SLX4: variants seen among roughly 807,000 people sequenced by gnomAD.
SLX4 encodes the protein SLX4 structure-specific endonuclease subunit.
SLX4 carries 112 observed loss-of-function variants against 146.2 expected under a neutral mutation model. The ratio of observed to expected loss-of-function variants is 0.77; its 90% CI spans 0.66 to 0.90. The LOEUF (loss-of-function observed/expected upper bound fraction) is 0.90, where lower values mean the gene tolerates loss of function less well. SLX4 is among the 40% of genes least tolerant of loss of function. The pLI, the probability that SLX4 is intolerant of heterozygous loss-of-function variation, is 0.00. For synonymous variants in SLX4, 1,061 were observed against 997.7 expected (o/e 1.06, Z -1.20); for missense variants, 2,563 against 2,392.7 (o/e 1.07, Z -1.49).
chr16:3,606,400 T>C lies in SLX4; in HGVS notation c.760+74A>G. The stretch of plus-strand genomic sequence containing the variant: ...ACAGAAGAAACTCAACAAATGCTGA[T>C]TCCTTCCCGCCTCCCTTCCTCAGAG... On this transcript the variant is annotated intron_variant, in intron 3 of 14. Transcript: ENST00000294008. The C allele has an allele frequency of 5.9e-6, 9 of 1,532,024 alleles. No individual in the cohort carries two copies. The South Asian group carries it at 7.9e-5, about 13-fold the overall frequency. The allele number at this position is 1,532,024 out of a possible 1,614,324, so 94.9% of individuals were successfully genotyped here.
chr16:3,585,789 C>G (rs1174267332), intron 12 of SLX4, among the ~76,000 whole-genome samples: 1 of 148,174 alleles, frequency 6.7e-6, no homozygotes, highest in Admixed American at 6.7e-5. Context: ...AATGGCAGAA[C>G]CCTATCTCTA....
Position 3,590,733 on chromosome 16 carries a change from T to C in SLX4, c.2905A>G (p.Arg969Gly). The C allele has an allele frequency of 1.2e-6, 2 of 1,614,130 alleles. No individual in the cohort carries two copies. Among genetic ancestry groups the C allele is most frequent in the Middle Eastern group, 1.6e-4 (1 of 6,062 alleles). The change falls in exon 12 of 15, where the codon AGA becomes GGA. Residue 969 changes from arginine (R) to glycine (G), a missense_variant. Physicochemically the swap from Arg to Gly is moderately radical, Grantham distance 125 (BLOSUM62 -2). Transcript: ENST00000294008. The surrounding 1 kb of genome is among the most constrained non-coding windows in gnomAD (Gnocchi z 4.8). ...SSPSRDCQAE[R>G]KEGSLPHSDD... ...GAGTGCGGAAGAGAGCCTTCTTTTCTCTCTGCCTGGCAGTCCCTGGAAGGG... is the reference window on the plus strand; with the variant it reads ...GAGTGCGGAAGAGAGCCTTCTTTTCCCTCTGCCTGGCAGTCCCTGGAAGGG...
rs1053149619 is a variant in SLX4 at position 3,583,637 on chromosome 16, C to G, written c.4740-127G>C. The stretch of plus-strand genomic sequence containing the variant: ...TGGCTTGTGTGACAAACCATAGATG[C>G]CTGACTTCTGTGAGCATCAGAGGTT... On this transcript the variant is annotated intron_variant, in intron 13 of 14. Coordinates refer to ENST00000294008, the MANE Select transcript of SLX4 (RefSeq NM_032444.4). 10 of 1,007,326 alleles carry G rather than the reference C, an allele frequency of 9.9e-6. No individual in the cohort carries two copies. The African/African-American group carries it at 1.6e-4, about 16-fold the overall frequency. The allele number at this position is 1,007,326 out of a possible 1,614,324, so 62.4% of individuals were successfully genotyped here. A position where few individuals can be genotyped will look rare whatever the true frequency, so the allele number is the denominator to read the frequency against.
intron 3 of SLX4, among the ~76,000 whole-genome samples, chr16:3,606,030 T>C (rs2040778605): frequency 6.9e-6 from 1 of 145,980 alleles, no homozygotes; most frequent in South Asian, 2.2e-4. Flanking sequence ...GGAGCTGAGG[T>C]AGGCAGATCA....
At chr16:3,587,517 G>T (rs1274955067) in intron 12 of SLX4, among the ~76,000 whole-genome samples, 1 of 152,154 alleles carries the variant, frequency 6.6e-6, no homozygotes, top group Non-Finnish European at 1.5e-5. Flanking sequence ...TGCCTTTTAT[G>T]ACCATGGAGC....
Position 3,589,819 on chromosome 16 carries a change from G to A in SLX4, c.3819C>T (p.Thr1273=). 1 of 1,613,420 alleles carries A rather than the reference G, an allele frequency of 6.2e-7. No individual in the cohort carries two copies. The highest frequency in any genetic ancestry group is 8.5e-7 in the Non-Finnish European group (1 of 1,180,032). The change falls in exon 12 of 15, where the codon ACC becomes ACT. Residue 1273 remains threonine (T), a synonymous_variant. Coordinates refer to ENST00000294008, the MANE Select transcript of SLX4 (RefSeq NM_032444.4). The surrounding 1 kb of genome is among the most constrained non-coding windows in gnomAD (Gnocchi z 6.2). ...ASRSRDCSSQ[T]QISSLRSGLA... is the part of the protein sequence containing the mutation. ...GCCCGCTCCTGAGGCTGCTGATTTG[G>A]GTCTGGGAAGAACAGTCACGGCTTC...
At chr16:3,588,432 A>C (rs114122704) in intron 12 of SLX4, among the ~76,000 whole-genome samples, 1 of 152,276 alleles carries the variant, frequency 6.6e-6, no homozygotes, top group African/African-American at 2.4e-5. Flanking sequence ...GCTGAACACT[A>C]TTCCATTTTC....
rs530681898 is a variant in SLX4, at chr16:3,581,849, C to G, written c.*493G>C. 4.4e-5 allele frequency: 8 copies of G among 183,438 alleles called. No homozygotes were observed. The highest frequency in any genetic ancestry group is 1.6e-4 in the Admixed American group (3 of 18,476). The allele number at this position is 183,438 out of a possible 1,614,324, so 11.4% of individuals were successfully genotyped here. ...CCTGAGCTCTGGAGTTTGTGACCAG[C>G]CTGAGCAACATGGTGAAACCCCGTT... On this transcript the variant is annotated 3_prime_UTR_variant, in exon 15 of 15. Transcript: ENST00000294008.
chr16:3,604,738 T>G (rs2040764397), intron 3 of SLX4, among the ~76,000 whole-genome samples: 3 of 150,368 alleles, frequency 2.0e-5, no homozygotes, highest in Non-Finnish European at 2.9e-5. Flanking sequence ...GAGAATGGCT[T>G]GAACCCAGGA....
chr16:3,599,689 T>G (rs1286002143), intron 5 of SLX4, among the ~76,000 whole-genome samples: 1 of 152,164 alleles, frequency 6.6e-6, no homozygotes, highest in African/African-American at 2.4e-5. Context: ...CAGGCTCAAG[T>G]GATCCTTCCG....
intron 12 of SLX4, among the ~76,000 whole-genome samples, chr16:3,588,116 G>T (rs1205409825): frequency 6.6e-6 from 1 of 152,186 alleles, no homozygotes; most frequent in Non-Finnish European, 1.5e-5. Context: ...AAATCGTAAA[G>T]GGAATAATTC....
chr16:3,600,663 C>CGATCTTG (rs1263002189), intron 5 of SLX4: 1 of 305,038 alleles, frequency 3.3e-6, no homozygotes, highest in African/African-American at 2.8e-5. Context: ...TGCAGTGGTA[C>CGATCTTG]GATCTTGGCT....
rs1049772422 is a variant in SLX4 at position 3,596,480 on chromosome 16, C to T, written c.1684-87G>A. ...AAGCCATCACATGTGGTATGCACGG[C>T]TGGACCTAAAACTACAGAGCAGGAT... On this transcript the variant is annotated intron_variant, in intron 7 of 14. Coordinates refer to ENST00000294008, the MANE Select transcript of SLX4 (RefSeq NM_032444.4). 15 of 1,445,774 alleles carry T rather than the reference C, an allele frequency of 1.0e-5. No homozygotes were observed. In the African/African-American group the frequency reaches 1.8e-4, roughly 18 times the overall value. 89.6% of individuals were successfully genotyped at this position (1,445,774 alleles called of 1,614,324 possible).
rs1290971472 is a variant in SLX4, at chr16:3,582,071, G to A, written c.*271C>T. The A allele has an allele frequency of 1.8e-6, 1 of 548,398 alleles. No homozygotes were observed. The highest frequency in any genetic ancestry group is 3.2e-6 in the Non-Finnish European group (1 of 308,180). The allele number at this position is 548,398 out of a possible 1,614,324, so 34.0% of individuals were successfully genotyped here. ...GAAAAAAAAAAAGAAAACCAAAAAG[G>A]GAGACACACTGTGAGCACGGACAGA... On this transcript the variant is annotated 3_prime_UTR_variant, in exon 15 of 15. Transcript: ENST00000294008.
chr16:3,606,745 A>G (rs1420629284), intron 2 of SLX4, 47 bp from the exon 3 acceptor site: 1 of 1,602,814 alleles, frequency 6.2e-7, no homozygotes, highest in Non-Finnish European at 8.5e-7. Flanking sequence ...AGCTGGAGAA[A>G]TAAAAGACTT....
intron 3 of SLX4, among the ~76,000 whole-genome samples, chr16:3,603,171 A>G (rs2040746653): frequency 6.6e-6 from 1 of 152,160 alleles, no homozygotes; most frequent in Non-Finnish European, 1.5e-5. Context: ...CTCCTGCCTC[A>G]GCCTCCTGAG....
intron 3 of SLX4, among the ~76,000 whole-genome samples, chr16:3,603,408 A>G (rs1466768733): frequency 6.6e-6 from 1 of 152,210 alleles, no homozygotes; most frequent in East Asian, 1.9e-4. Flanking sequence ...TGTGATGTGA[A>G]GATACAGAGA....
intron 9 of SLX4, among the ~76,000 whole-genome samples, chr16:3,595,288 GA>G (rs1356777888): frequency 6.6e-6 from 1 of 152,226 alleles, no homozygotes; most frequent in Non-Finnish European, 1.5e-5. Flanking sequence ...ACCGCGCTGA[GA>G]AACTGTGGTC....
At chr16:3,607,113 GATC>G (rs2040794874) in intron 2 of SLX4, among the ~76,000 whole-genome samples, 1 of 152,186 alleles carries the variant, frequency 6.6e-6, no homozygotes. Flanking sequence ...TTATGTCCTA[GATC>G]AGTTCTTCTT....
Sources: gnomAD v4.1 joint callset for allele counts (sites outside exome capture counted in the v4.1 genomes callset) on GRCh38, gnomAD v4.1.1 for gene constraint, Gnocchi (gnomAD v3.1) non-coding constraint, MANE v1.5 for transcripts, NCBI Gene and HGNC (gene_info 2026-07-23, HGNC 2026-07-21) for gene names.